The following CCDC178 variants were observed in gnomAD, a reference collection of about 807,000 sequenced individuals.
CCDC178 encodes coiled-coil domain containing 178.
A neutral mutation model predicts 117.4 loss-of-function variants in CCDC178; 126 were observed. The observed-to-expected ratio is 1.07, with a 90% CI of 0.93 to 1.24. CCDC178 has a LOEUF of 1.24. CCDC178 is among the 50% of genes most tolerant of loss of function. The pLI is 0.00. For missense variants in CCDC178, 1,030 were observed against 986.9 expected (o/e 1.04, Z -0.59); for synonymous variants, 283 against 313.4 (o/e 0.90, Z 1.02).
intron 21 of CCDC178, among the ~76,000 whole-genome samples, chr18:33,062,897 C>G (rs982985750): frequency 1.3e-5 from 2 of 152,168 alleles, no homozygotes; most frequent in Non-Finnish European, 2.9e-5. Flanking sequence ...CCTAGCAGAA[C>G]TCCAGCCCAC....
intron 20 of CCDC178, among the ~76,000 whole-genome samples, chr18:33,140,298 A>G (rs1477917668): frequency 6.6e-6 from 1 of 152,064 alleles, no homozygotes; most frequent in Non-Finnish European, 1.5e-5. Context: ...TTGTGAGAAG[A>G]GGGCCACCAT....
intron 20 of CCDC178, among the ~76,000 whole-genome samples, chr18:33,163,920 A>G (rs2058495975): frequency 6.6e-6 from 1 of 152,162 alleles, no homozygotes; most frequent in African/African-American, 2.4e-5. Flanking sequence ...TATTTGAAAT[A>G]ATATAGTAAC....
intron 2 of CCDC178, among the ~76,000 whole-genome samples, chr18:33,420,809 T>A (rs1452626304): frequency 2.6e-5 from 4 of 151,634 alleles, no homozygotes; most frequent in South Asian, 2.1e-4. Context: ...GTAAAAAAAA[T>A]TATAAAAAGC....
chr18:33,429,083 C>T (rs2064169295), intron 2 of CCDC178, among the ~76,000 whole-genome samples: 1 of 150,652 alleles, frequency 6.6e-6, no homozygotes, highest in Non-Finnish European at 1.5e-5. Flanking sequence ...GAGCATAACA[C>T]CAAAATCACA....
At position 33,333,178 on chromosome 18, in the gene CCDC178, ATT is replaced by A; in HGVS notation, c.873_874del (p.Lys291AsnfsTer11). Reference sequence around the variant, plus strand: ...CTCATGCATTCGTTTATTTACCTCCATTTTTTTTTTATAATGGTTCTTCAGAT... The same window carrying A: ...CTCATGCATTCGTTTATTTACCTCCATTTTTTTTATAATGGTTCTTCAGAT... On this transcript the variant is annotated frameshift_variant, in exon 10 of 23. Coordinates refer to ENST00000383096, the MANE Select transcript of CCDC178 (RefSeq NM_001105528.4). LOFTEE classifies it high-confidence loss of function. 6 of 1,425,438 alleles carry A rather than the reference ATT, an allele frequency of 4.2e-6. No individual in the cohort carries two copies. Among genetic ancestry groups the A allele is most frequent in the Non-Finnish European group, 5.8e-6 (6 of 1,043,176 alleles). 88.3% of individuals were successfully genotyped at this position (1,425,438 alleles called of 1,614,324 possible).
chr18:33,221,679 A>G (rs1381120075), intron 18 of CCDC178, among the ~76,000 whole-genome samples: 1 of 152,118 alleles, frequency 6.6e-6, no homozygotes, highest in Non-Finnish European at 1.5e-5. Flanking sequence ...ATAATTTAAA[A>G]ACCTTCTGCT....
At chr18:33,310,996 T>A (rs971541202) in intron 11 of CCDC178, among the ~76,000 whole-genome samples, 4 of 152,142 alleles carry the variant, frequency 2.6e-5, no homozygotes, top group African/African-American at 9.7e-5. Context: ...GTACTCTATA[T>A]GTATGTTCTC....
chr18:33,097,478 A>G (rs2057560255), intron 20 of CCDC178, among the ~76,000 whole-genome samples: 1 of 152,106 alleles, frequency 6.6e-6, no homozygotes, highest in African/African-American at 2.4e-5. Flanking sequence ...GTCATTTTAC[A>G]CCATGATGTT....
At chr18:33,355,526 A>G (rs1383779051) in intron 7 of CCDC178, among the ~76,000 whole-genome samples, 1 of 152,260 alleles carries the variant, frequency 6.6e-6, no homozygotes, top group Non-Finnish European at 1.5e-5. Flanking sequence ...CCTAAAGGTC[A>G]GCCAGAAGTA....
chr18:33,018,654 C>T (rs2056048646), intron 21 of CCDC178, among the ~76,000 whole-genome samples: 1 of 152,128 alleles, frequency 6.6e-6, no homozygotes, highest in African/African-American at 2.4e-5. Context: ...TATCTACATA[C>T]ACTATGATTC....
intron 20 of CCDC178, among the ~76,000 whole-genome samples, chr18:33,198,576 G>T (rs2058959815): frequency 6.6e-6 from 1 of 152,042 alleles, no homozygotes; most frequent in African/African-American, 2.4e-5. Flanking sequence ...GAACAACCAA[G>T]ATTTAAAAAT....
At chr18:33,217,200 T>C (rs377592752) in intron 18 of CCDC178, among the ~76,000 whole-genome samples, 17 of 152,178 alleles carry the variant, frequency 1.1e-4, no homozygotes, top group African/African-American at 3.6e-4. Context: ...TTTTAGAAGA[T>C]TTCCATGCTT....
At chr18:33,017,712 A>G (rs552053492) in intron 21 of CCDC178, among the ~76,000 whole-genome samples, 104 of 152,200 alleles carry the variant, frequency 6.8e-4, no homozygotes, top group African/African-American at 2.3e-3. Context: ...CAAATAATCA[A>G]GACAGTGGTA....
At chr18:33,394,747 A>T (rs1412709348) in intron 4 of CCDC178, among the ~76,000 whole-genome samples, 1 of 150,984 alleles carries the variant, frequency 6.6e-6, no homozygotes, top group Non-Finnish European at 1.5e-5. Context: ...TTATCTCCCA[A>T]ATTTGAGAAG....
At chr18:33,245,160 T>C in intron 15 of CCDC178, 85 bp downstream of exon 15, 1 of 1,226,712 alleles carries the variant, frequency 8.2e-7, no homozygotes, top group Non-Finnish European at 1.1e-6. Context: ...TAAATTAAAA[T>C]CTAATTATCA....
At chr18:32,938,216 A>G (rs530337181) in intron 22 of CCDC178, 125 bp from the exon 23 acceptor site, 1 of 666,238 alleles carries the variant, frequency 1.5e-6, no homozygotes, top group Non-Finnish European at 2.7e-6. Flanking sequence ...ACACCATTAC[A>G]TTCTCCTTTA....
At chr18:33,126,268 G>A (rs2058002972) in intron 20 of CCDC178, among the ~76,000 whole-genome samples, 1 of 150,622 alleles carries the variant, frequency 6.6e-6, no homozygotes, top group African/African-American at 2.4e-5. Context: ...GTATATAATT[G>A]TAGTATTATA....
intron 21 of CCDC178, among the ~76,000 whole-genome samples, chr18:33,069,568 C>T (rs1305204631): frequency 2.0e-5 from 3 of 152,080 alleles, no homozygotes; most frequent in African/African-American, 7.2e-5. Flanking sequence ...TCCTATAAAA[C>T]TGCTAGAAGA....
chr18:33,338,050 A>G (rs1004611587), intron 9 of CCDC178, among the ~76,000 whole-genome samples: 6 of 152,174 alleles, frequency 3.9e-5, no homozygotes, highest in African/African-American at 1.4e-4. Flanking sequence ...AACTCAAATC[A>G]GCCAGAAAAA....
Sources: allele counts gnomAD v4.1 joint callset (sites outside exome capture counted in the v4.1 genomes callset), GRCh38; gene constraint gnomAD v4.1.1; transcripts MANE v1.5; gene names NCBI Gene and HGNC (gene_info 2026-07-23, HGNC 2026-07-21).